The following KRT18 variants were observed in gnomAD, a reference collection of about 807,000 sequenced individuals.
KRT18 encodes the protein keratin 18, also known as keratin, type I cytoskeletal 18.
KRT18 carries 8 observed loss-of-function variants against 39.9 expected under a neutral mutation model. The observed-to-expected ratio is 0.20, with a 90% CI of 0.12 to 0.36. The LOEUF (loss-of-function observed/expected upper bound fraction) is 0.36, where lower values mean the gene tolerates loss of function less well. Among genes scored for constraint, KRT18 ranks in the 10% least tolerant of loss-of-function variants. KRT18 has a pLI of 1.00. For missense variants in KRT18, 396 were observed against 565.7 expected, an observed-to-expected ratio of 0.70 and a Z score of 3.04; for synonymous variants, 194 against 227.8, an observed-to-expected ratio of 0.85 and a Z score of 1.33.
intron 5 of KRT18, 106 bp downstream of exon 5, chr12:52,951,962 A>C: frequency 1.4e-6 from 2 of 1,448,912 alleles, no homozygotes; most frequent in Non-Finnish European, 1.9e-6. Context: ...CCTTTAGCTC[A>C]GAAAGAGTCA....
intron 1 of KRT18, chr12:52,949,858 A>G: frequency 1.4e-6 from 1 of 696,472 alleles, no homozygotes; most frequent in South Asian, 1.5e-5. Flanking sequence ...GAGGTAAGGA[A>G]AGGCCTGTAA....
chr12:52,949,084 C>T, upstream of KRT18: 1 of 1,257,084 alleles, frequency 8.0e-7, no homozygotes, highest in Admixed American at 1.8e-5. Context: ...GGGCCTCACT[C>T]TGCGATATAA....
rs755181200 is a variant in KRT18, at chr12:52,950,429, G to C, written c.500+19G>C. 1 of 1,569,246 alleles carries C rather than the reference G, an allele frequency of 6.4e-7. No individual in the cohort carries two copies. The highest frequency in any genetic ancestry group is 8.8e-7 in the Non-Finnish European group (1 of 1,140,868). ...GAGTCAAGTAAGTTTGGGGGCTAGA[G>C]AGCTGGGGGTCCAGGGGTGGAGCTA... On this transcript the variant is annotated intron_variant, in intron 2 of 6. Coordinates refer to ENST00000388835, the MANE Select transcript of KRT18 (RefSeq NM_000224.3).
Position 52,952,894 on chromosome 12 carries a change from A to C in KRT18, c.*52A>C. The C allele has an allele frequency of 1.3e-6, 2 of 1,543,538 alleles. No individual in the cohort carries two copies. The highest frequency in any genetic ancestry group is 1.8e-6 in the Non-Finnish European group (2 of 1,129,250). On this transcript the variant is annotated 3_prime_UTR_variant, in exon 7 of 7. Coordinates refer to ENST00000388835, the MANE Select transcript of KRT18 (RefSeq NM_000224.3). ...GGAGCAGGAGGCCAATAAAAAGTTC[A>C]GAGTTCATTGGATGTCACTTTGTCT...
chr12:52,952,107 G>A lies in KRT18; in HGVS notation c.949-12G>A. The A allele has an allele frequency of 6.5e-7, 1 of 1,548,622 alleles. No homozygotes were observed. ...TGGGCTCACCCTGCCCCTCCTCTCT[G>A]TGCCCCTGCAGAAGGCCAGCTTGGA... On this transcript the variant is annotated splice_polypyrimidine_tract_variant and intron_variant, in intron 5 of 6. Transcript: ENST00000388835.
chr12:52,951,823 C>T lies in KRT18; in HGVS notation c.915C>T (p.Ser305=), dbSNP rs1313981008. The T allele has an allele frequency of 1.6e-5, 25 of 1,608,840 alleles. No individual in the cohort carries two copies. Among genetic ancestry groups the T allele is most frequent in the Non-Finnish European group, 2.0e-5 (24 of 1,179,996 alleles). Residue 305 remains serine (S), a synonymous_variant, in exon 5 of 7, where the codon TCC becomes TCT. Transcript: ENST00000388835. Reference sequence around the variant, plus strand: ...CAGAGCTGAGACGTACAGTCCAGTCCTTGGAGATCGACCTGGACTCCATGA... The same window carrying T: ...CAGAGCTGAGACGTACAGTCCAGTCTTTGGAGATCGACCTGGACTCCATGA... ...TLTELRRTVQ[S]LEIDLDSMRN...
chr12:52,950,745 T>A lies in KRT18; in HGVS notation c.501-5T>A. The A allele has an allele frequency of 6.2e-7, 1 of 1,609,624 alleles. No homozygotes were observed. Among genetic ancestry groups the A allele is most frequent in the East Asian group, 2.2e-5 (1 of 44,840 alleles). Reference sequence around the variant, plus strand: ...GGGCCCCTCTGATCACCTCCACTCCTATAGGTATGAGACAGAGCTGGCCAT... The same window carrying A: ...GGGCCCCTCTGATCACCTCCACTCCAATAGGTATGAGACAGAGCTGGCCAT... On this transcript the variant is annotated splice_region_variant and splice_polypyrimidine_tract_variant and intron_variant, in intron 2 of 6. Transcript: ENST00000388835.
At position 52,949,323 on chromosome 12, in the gene KRT18, C is replaced by T; in HGVS notation, c.150C>T (p.Arg50=). 6.2e-7 allele frequency: 1 copy of T among 1,610,488 alleles called. No individual in the cohort carries two copies. Among genetic ancestry groups the T allele is most frequent in the Non-Finnish European group, 8.5e-7 (1 of 1,179,700 alleles). Residue 50 remains arginine (R), a synonymous_variant, in exon 1 of 7, where the codon CGC becomes CGT. Coordinates refer to ENST00000388835, the MANE Select transcript of KRT18 (RefSeq NM_000224.3). ...GGSGSRISVS[R]STSFRGGMGS... ...CTGGTTCCCGGATCTCCGTGTCCCGCTCCACCAGCTTCAGGGGCGGCATGG... is the reference window on the plus strand; with the variant it reads ...CTGGTTCCCGGATCTCCGTGTCCCGTTCCACCAGCTTCAGGGGCGGCATGG...
At chr12:52,951,358 G>A in intron 3 of KRT18, 123 bp from the exon 4 acceptor site, 3 of 1,015,974 alleles carry the variant, frequency 3.0e-6, no homozygotes, top group Non-Finnish European at 3.1e-6. Context: ...CTGAGTGCAA[G>A]CCAAGGGGTT....
intron 1 of KRT18, 88 bp downstream of exon 1, chr12:52,949,678 C>T: frequency 9.4e-7 from 1 of 1,063,060 alleles, no homozygotes; most frequent in East Asian, 2.7e-5. Flanking sequence ...TCCATAACCA[C>T]CCAACCCCTA....
chr12:52,949,455 C>T lies in KRT18; in HGVS notation c.282C>T (p.Tyr94=), dbSNP rs386834224. The change falls in exon 1 of 7, where the codon TAC becomes TAT. Residue 94 remains tyrosine (Y), a synonymous_variant. Transcript: ENST00000388835. ...GCCTGAACGACCGCCTGGCCTCTTA[C>T]CTGGACAGAGTGAGGAGCCTGGAGA... ...MQSLNDRLAS[Y]LDRVRSLETE... The T allele has an allele frequency of 4.3e-5, 69 of 1,613,220 alleles. No individual in the cohort carries two copies. The Admixed American group carries it at 1.1e-3, about 25-fold the overall frequency.
chr12:52,951,678 TG>T, intron 4 of KRT18, 33 bp downstream of exon 4: 1 of 1,612,868 alleles, frequency 6.2e-7, no homozygotes, highest in Non-Finnish European at 8.5e-7. Context: ...TGCCAAGGTG[TG>T]GGAGGGAGGC....
intron 5 of KRT18, 113 bp from the exon 6 acceptor site, chr12:52,952,006 C>T: frequency 7.7e-7 from 1 of 1,301,476 alleles, no homozygotes; most frequent in Non-Finnish European, 1.1e-6. Flanking sequence ...ACTCCTATCC[C>T]TTATCCCAGT....
chr12:52,951,044 AC>A (rs1942477721), intron 3 of KRT18, 138 bp downstream of exon 3: 1 of 820,456 alleles, frequency 1.2e-6, no homozygotes, highest in East Asian at 2.7e-5. Flanking sequence ...CTTAAATAAG[AC>A]CGTTCTGATG....
At position 52,952,775 on chromosome 12, in the gene KRT18, C is replaced by T; in HGVS notation, c.1226C>T (p.Thr409Ile). ...TCCATGCAAACCATCCAAAAGACCA[C>T]CACCCGCCGGATAGTGGATGGCAAA... ...SNSMQTIQKTTTRRIVDGKVV... is the reference protein window; with the variant it reads ...SNSMQTIQKTITRRIVDGKVV... Residue 409 changes from threonine (T) to isoleucine (I), a missense_variant, in exon 7 of 7, where the codon ACC becomes ATC. Thr to Ile is a moderately conservative substitution (Grantham distance 89). Coordinates refer to ENST00000388835, the MANE Select transcript of KRT18 (RefSeq NM_000224.3). The T allele has an allele frequency of 1.2e-6, 2 of 1,612,794 alleles. No homozygotes were observed. The highest frequency in any genetic ancestry group is 1.3e-5 in the African/African-American group (1 of 75,008).
chr12:52,949,991 T>C (rs1942451531), intron 1 of KRT18: 1 of 610,280 alleles, frequency 1.6e-6, no homozygotes, highest in Non-Finnish European at 2.9e-6. Context: ...ATCCAGGGTG[T>C]AGGGGGCCCA....
upstream of KRT18, chr12:52,949,098 G>A (rs1354459521): frequency 4.5e-6 from 6 of 1,321,458 alleles, no homozygotes; most frequent in African/African-American, 5.4e-5. Context: ...GATATAACTC[G>A]GGTCGCGCGG....
chr12:52,949,669 C>T, intron 1 of KRT18, 79 bp downstream of exon 1: 1 of 1,251,718 alleles, frequency 8.0e-7, no homozygotes, highest in Non-Finnish European at 1.1e-6. Context: ...TTCCGTCATT[C>T]CATAACCACC....
intron 2 of KRT18, 22 bp from the exon 3 acceptor site, chr12:52,950,728 C>T: frequency 1.2e-6 from 2 of 1,606,008 alleles, no homozygotes; most frequent in Non-Finnish European, 1.7e-6. Flanking sequence ...AGGGGCCCCT[C>T]TGATCACCTC....
Sources: gnomAD v4.1 joint callset for allele counts on GRCh38, gnomAD v4.1.1 for gene constraint, MANE v1.5 for transcripts, NCBI Gene and HGNC (gene_info 2026-07-23, HGNC 2026-07-21) for gene names.